The following FBXW11 variants were observed in gnomAD, a reference collection of about 807,000 sequenced individuals.
FBXW11 encodes F-box/WD repeat-containing protein 11.
Under a neutral mutation model 77.6 loss-of-function variants are expected in FBXW11, and 19 were observed. The observed-to-expected ratio is 0.24, with a 90% confidence interval of 0.17 to 0.36. FBXW11 has a LOEUF of 0.36. Ranked by LOEUF, FBXW11 falls within the 10% of genes least tolerant of loss-of-function variation. The probability of loss-of-function intolerance (pLI) is 1.00; values close to 1 mark genes in which losing one functional copy is unlikely to be tolerated. For synonymous variants in FBXW11, 235 were observed against 249.4 expected (o/e 0.94, Z 0.54); for missense variants, 334 against 704.2 (o/e 0.47, Z 5.95).
intron 2 of FBXW11, among the ~76,000 whole-genome samples, chr5:171,915,613 C>CTCTGTGTGTGTG (rs1554100048): frequency 1.7e-4 from 22 of 129,522 alleles, no homozygotes; most frequent in African/African-American, 3.0e-4. Context: ...GTCACTCATT[C>CTCTGTGTGTGTG]TGTGTGTGTG....
rs7735630 is a variant in FBXW11 at position 171,869,431 on chromosome 5, A to C, written c.1530+298T>G. The stretch of plus-strand genomic sequence containing the variant: ...TAACCACAAATAGCCATATTAAGAA[A>C]TCTTCCAAACCTACAAGAAGGAAAT... On this transcript the variant is annotated intron_variant, in intron 12 of 13. Transcript: ENST00000517395. The surrounding 1 kb of genome is among the most constrained non-coding windows in gnomAD (Gnocchi z 4.1). Among the ~76,000 whole-genome samples, 6,404 of 152,282 alleles carry C rather than the reference A, an allele frequency of 0.042. 416 individuals are homozygous for C. Among genetic ancestry groups the C allele is most frequent in the African/African-American group, 0.15 (6,034 of 41,520 alleles).
At chr5:171,980,889 T>C (rs1411122924) in intron 1 of FBXW11, among the ~76,000 whole-genome samples, 2 of 152,146 alleles carry the variant, frequency 1.3e-5, no homozygotes, top group Non-Finnish European at 2.9e-5. Flanking sequence ...AGTGATAGTA[T>C]TGAGAGGAGC....
intron 1 of FBXW11, among the ~76,000 whole-genome samples, chr5:171,973,362 A>C (rs1764641727): frequency 6.6e-6 from 1 of 152,246 alleles, no homozygotes; most frequent in Non-Finnish European, 1.5e-5. Flanking sequence ...GAGATATAAG[A>C]AACTATTCAC....
intron 1 of FBXW11, among the ~76,000 whole-genome samples, chr5:171,962,535 T>C (rs575893802): frequency 6.6e-6 from 1 of 152,350 alleles, no homozygotes; most frequent in South Asian, 2.1e-4. Context: ...ACAGTGTTTA[T>C]TACTTTTGCC....
chr5:171,990,071 G>A (rs1284214812), intron 1 of FBXW11, among the ~76,000 whole-genome samples: 1 of 151,894 alleles, frequency 6.6e-6, no homozygotes, highest in African/African-American at 2.4e-5. Context: ...ACAAAAAAGG[G>A]AGGTAGGGAG....
At chr5:172,006,128 T>C (rs1407906748) in intron 1 of FBXW11, among the ~76,000 whole-genome samples, 1 of 151,958 alleles carries the variant, frequency 6.6e-6, no homozygotes, top group African/African-American at 2.4e-5. Flanking sequence ...AATCCCTTTC[T>C]AAAAGAAGGA....
chr5:171,865,861 C>T (rs542061462), intron 13 of FBXW11, among the ~76,000 whole-genome samples: 2 of 152,266 alleles, frequency 1.3e-5, no homozygotes, highest in East Asian at 1.9e-4. Context: ...TGATATTTTA[C>T]GGGTGAGTAT....
At chr5:171,870,333 G>C (rs755759112) in intron 11 of FBXW11, among the ~76,000 whole-genome samples, 7 of 151,824 alleles carry the variant, frequency 4.6e-5, no homozygotes, top group Non-Finnish European at 1.0e-4. Flanking sequence ...AAGAGGGTTT[G>C]TTCAATTTAC....
At chr5:171,996,973 A>G in intron 1 of FBXW11, 1 of 1,289,800 alleles carries the variant, frequency 7.8e-7, no homozygotes, top group Non-Finnish European at 1.0e-6. Flanking sequence ...AAAAGACAGC[A>G]GTCAAGCATC....
chr5:171,894,321 G>A (rs1399720132), intron 6 of FBXW11, among the ~76,000 whole-genome samples: 2 of 152,196 alleles, frequency 1.3e-5, no homozygotes, highest in Non-Finnish European at 2.9e-5. Flanking sequence ...GTTAGCAAAT[G>A]GCTTAGCTTC....
chr5:171,957,110 A>T (rs1763653606), intron 2 of FBXW11, among the ~76,000 whole-genome samples: 1 of 152,208 alleles, frequency 6.6e-6, no homozygotes, highest in Non-Finnish European at 1.5e-5. Context: ...TAAAGCTATG[A>T]TCTTTATAAA....
chr5:171,940,850 G>A (rs1369516640), intron 2 of FBXW11, among the ~76,000 whole-genome samples: 1 of 149,002 alleles, frequency 6.7e-6, no homozygotes, highest in East Asian at 2.0e-4. Context: ...TTGCACCACT[G>A]CACTCCAGCC....
At chr5:171,909,621 C>G (rs908113183) in intron 4 of FBXW11, among the ~76,000 whole-genome samples, 1 of 152,114 alleles carries the variant, frequency 6.6e-6, no homozygotes, top group Non-Finnish European at 1.5e-5. Flanking sequence ...CAATTTTGAT[C>G]TGAACCTCAA....
intron 4 of FBXW11, among the ~76,000 whole-genome samples, chr5:171,907,267 T>C (rs1406609743): frequency 6.6e-6 from 1 of 152,216 alleles, no homozygotes; most frequent in Non-Finnish European, 1.5e-5. Context: ...TTAAAAGCTA[T>C]AATTATAATT....
chr5:171,994,698 C>T (rs911465404), intron 1 of FBXW11, among the ~76,000 whole-genome samples: 2 of 152,078 alleles, frequency 1.3e-5, no homozygotes, highest in African/African-American at 2.4e-5. Context: ...CTACTAGTAC[C>T]ATTACTACCA....
At chr5:171,865,944 A>G (rs7714992) in intron 13 of FBXW11, among the ~76,000 whole-genome samples, 3,991 of 152,320 alleles carry the variant, frequency 0.026, 165 homozygotes, top group African/African-American at 0.09. Context: ...TCACATGGCT[A>G]TAATTTTTTT....
intron 6 of FBXW11, among the ~76,000 whole-genome samples, chr5:171,895,938 T>C (rs1759713006): frequency 6.6e-6 from 1 of 152,162 alleles, no homozygotes; most frequent in African/African-American, 2.4e-5. Flanking sequence ...CTAAACCCTC[T>C]CTATGTGTGG....
chr5:171,976,881 T>C (rs1561741738), intron 1 of FBXW11, among the ~76,000 whole-genome samples: 1 of 151,818 alleles, frequency 6.6e-6, no homozygotes, highest in Non-Finnish European at 1.5e-5. Context: ...ATCCCATCTC[T>C]ACTAAAAACA....
chr5:171,875,211 A>C (rs917330714), intron 9 of FBXW11, among the ~76,000 whole-genome samples: 4 of 151,816 alleles, frequency 2.6e-5, no homozygotes, highest in Non-Finnish European at 5.9e-5. Flanking sequence ...GGAGTCCAAG[A>C]CTAGTCTGGG....
Sources: gnomAD v4.1 joint callset for allele counts (sites outside exome capture counted in the v4.1 genomes callset) on GRCh38, gnomAD v4.1.1 for gene constraint, Gnocchi (gnomAD v3.1) non-coding constraint, MANE v1.5 for transcripts, NCBI Gene and HGNC (gene_info 2026-07-23, HGNC 2026-07-21) for gene names.